HECTD4: variants seen among roughly 807,000 people sequenced by gnomAD.
HECTD4 encodes the protein probable E3 ubiquitin-protein ligase HECTD4.
HECTD4 carries 114 observed loss-of-function variants against 471.5 expected under a neutral mutation model. That is an observed-to-expected ratio of 0.24 (90% CI 0.21 to 0.28). The LOEUF (loss-of-function observed/expected upper bound fraction) is 0.28. Ranked by LOEUF, HECTD4 falls within the 10% of genes least tolerant of loss-of-function variation. The pLI is 1.00. For missense variants in HECTD4, 3,866 were observed against 5,651.5 expected (o/e 0.68, Z 10.13); for synonymous variants, 2,012 against 2,256.0 (o/e 0.89, Z 3.07).
chr12:112,242,701 G>A (rs966039366), intron 32 of HECTD4, among the ~76,000 whole-genome samples: 7 of 147,770 alleles, frequency 4.7e-5, no homozygotes, highest in Admixed American at 6.7e-5. Flanking sequence ...ACCTGAGGTC[G>A]GGAGTTTGAG....
rs2035265827 is a variant in HECTD4 at position 112,306,081 on chromosome 12, C to T, written c.1318G>A (p.Asp440Asn). 1.2e-6 allele frequency: 2 copies of T among 1,601,670 alleles called. No individual in the cohort carries two copies. Among genetic ancestry groups the T allele is most frequent in the African/African-American group, 1.3e-5 (1 of 74,226 alleles). The change falls in exon 7 of 76, where the codon GAC becomes AAC. Residue 440 changes from aspartate (D) to asparagine (N), a missense_variant. Asp to Asn is a conservative substitution (Grantham distance 23). This residue lies in a region of HECTD4 where 440 missense variants were observed against 636.0 expected (regional missense o/e 0.69). Transcript: ENST00000682272. ...KTPKGHSVFMDIFELVVENGV... is the reference protein window; with the variant it reads ...KTPKGHSVFMNIFELVVENGV... ...AAACTTACCACAAGTTCAAAAATGT[C>T]CATGAAGACAGAATGTCCCTTCGGT... is the stretch of plus-strand genomic sequence containing the variant.
chr12:112,249,829 T>C (rs1385397277), intron 25 of HECTD4: 2 of 367,222 alleles, frequency 5.4e-6, no homozygotes, highest in East Asian at 1.3e-4. Flanking sequence ...CACTTTAGCA[T>C]GCATCAGTCA....
At chr12:112,170,798 C>G (rs2031185143) in intron 68 of HECTD4, 3 of 450,970 alleles carry the variant, frequency 6.7e-6, no homozygotes, top group African/African-American at 3.9e-5. Flanking sequence ...GAGAGAGACT[C>G]ATCTGTTAAC....
intron 55 of HECTD4, among the ~76,000 whole-genome samples, chr12:112,196,784 GTCTC>G (rs374722536): frequency 1.3e-5 from 2 of 151,668 alleles, no homozygotes; most frequent in South Asian, 2.1e-4. Context: ...TAGAGACACG[GTCTC>G]TCTCTCTCTC....
chr12:112,203,639 A>T lies in HECTD4; in HGVS notation c.8403T>A (p.Asp2801Glu), dbSNP rs771397657. 4 of 1,612,704 alleles carry T rather than the reference A, an allele frequency of 2.5e-6. No homozygotes were observed. The highest frequency in any genetic ancestry group is 3.4e-6 in the Non-Finnish European group (4 of 1,179,304). ...ATCAGAATGGCTGTTCACTCACTGA[A>T]TCAACATCTAAGACGACTCCATGAA... Reference protein sequence around the residue: ...FGLHGVVLDVDSVNELVQVET... With the variant: ...FGLHGVVLDVESVNELVQVET... The change falls in exon 54 of 76, where the codon GAT becomes GAA. Residue 2801 changes from aspartate (D) to glutamate (E), a missense_variant. Asp to Glu is a conservative substitution (Grantham distance 45). Transcript: ENST00000682272.
intron 18 of HECTD4, among the ~76,000 whole-genome samples, chr12:112,260,646 G>A (rs1449324831): frequency 2.0e-5 from 3 of 151,082 alleles, no homozygotes; most frequent in Admixed American, 1.3e-4. Flanking sequence ...GGATGATCTC[G>A]GCTCACTGCA....
At chr12:112,350,535 C>T (rs558439009) in intron 1 of HECTD4, among the ~76,000 whole-genome samples, 25 of 152,120 alleles carry the variant, frequency 1.6e-4, no homozygotes, top group Non-Finnish European at 3.2e-4. Flanking sequence ...TATGTACTAA[C>T]GCTACACATG....
Position 112,247,443 on chromosome 12 carries a change from A to G in HECTD4, c.4337+19T>C, listed in dbSNP as rs1426048703. 1 of 1,275,630 alleles carries G rather than the reference A, an allele frequency of 7.8e-7. No individual in the cohort carries two copies. The highest frequency in any genetic ancestry group is 2.4e-5 in the Admixed American group (1 of 41,466). The allele number at this position is 1,275,630 out of a possible 1,614,324, so 79.0% of individuals were successfully genotyped here. A position where few individuals can be genotyped will look rare whatever the true frequency, so the allele number is the denominator to read the frequency against. ...GCATCAAGGTGATAATAGCCTTAAT[A>G]GTTATTAATACGACTAACCTCAGTG... On this transcript the variant is annotated intron_variant, in intron 28 of 75. Transcript: ENST00000682272.
Position 112,227,924 on chromosome 12 carries a change from C to T in HECTD4, c.6854+165G>A, listed in dbSNP as rs748298778. 2.0e-5 allele frequency among the ~76,000 whole-genome samples: 3 copies of T among 152,122 alleles called. 1 individual carries two copies. In the South Asian group the frequency reaches 6.2e-4, roughly 32 times the overall value. On this transcript the variant is annotated intron_variant, in intron 43 of 75. Coordinates refer to ENST00000682272, the MANE Select transcript of HECTD4 (RefSeq NM_001388303.1). ...AAATTGAAGAAATTAAGGAATGCAACGAACTATGGTAAAAACTGTAAAAGA... is the reference window on the plus strand; with the variant it reads ...AAATTGAAGAAATTAAGGAATGCAATGAACTATGGTAAAAACTGTAAAAGA...
chr12:112,250,250 C>G lies in HECTD4; in HGVS notation c.3844G>C (p.Val1282Leu), dbSNP rs145533298. The G allele has an allele frequency of 8.7e-6, 14 of 1,613,862 alleles. No individual in the cohort carries two copies. In the African/African-American group the frequency reaches 1.7e-4, roughly 20 times the overall value. The change falls in exon 25 of 76, where the codon GTT becomes CTT. Residue 1282 changes from valine to leucine, a missense_variant. By Grantham distance (32) the Val-to-Leu change is conservative. This residue lies in a region of HECTD4 where 281 missense variants were observed against 499.9 expected (regional missense o/e 0.56). Coordinates refer to ENST00000682272, the MANE Select transcript of HECTD4 (RefSeq NM_001388303.1). The stretch of plus-strand genomic sequence containing the variant: ...CGAGGCAGATCAAAGTAGTTTCCAA[C>G]AGGAGGCACGAGGACATCAGAGGGG... ...TYPSDVLVPP[V>L]GNYFDLPRIR...
At chr12:112,371,060 C>T (rs1227535121) in intron 1 of HECTD4, among the ~76,000 whole-genome samples, 2 of 152,144 alleles carry the variant, frequency 1.3e-5, no homozygotes, top group Non-Finnish European at 2.9e-5. Context: ...ATTAACACCA[C>T]AGTTACCTTC....
At chr12:112,312,651 C>T (rs537276382) in intron 4 of HECTD4, among the ~76,000 whole-genome samples, 1 of 152,216 alleles carries the variant, frequency 6.6e-6, no homozygotes, top group East Asian at 1.9e-4. Flanking sequence ...CAATAAATTA[C>T]TAAAGGAAAT....
intron 7 of HECTD4, among the ~76,000 whole-genome samples, chr12:112,296,205 G>A (rs1594020060): frequency 1.4e-5 from 2 of 137,984 alleles, no homozygotes; most frequent in Non-Finnish European, 3.0e-5. Flanking sequence ...GTGGATGTAG[G>A]TGCAGACAGT....
At chr12:112,366,976 T>C (rs1302603963) in intron 1 of HECTD4, among the ~76,000 whole-genome samples, 1 of 151,134 alleles carries the variant, frequency 6.6e-6, no homozygotes, top group Admixed American at 6.6e-5. Flanking sequence ...CCAATACTAC[T>C]TGGGTTTGTT....
In HECTD4 at chr12:112,271,901, C is replaced by T. The variant is rs143157514; in HGVS notation, c.1943-1442G>A. 2.2e-4 allele frequency among the ~76,000 whole-genome samples: 34 copies of T among 152,230 alleles called. No homozygotes were observed. The East Asian group carries it at 6.5e-3, about 29-fold the overall frequency. On this transcript the variant is annotated intron_variant, in intron 11 of 75. Transcript: ENST00000682272. ...AGTTCTTTAAATGTATTTATAATGGCTGCTTTAAGTCTTCATCTGACTTTA... is the reference window on the plus strand; with the variant it reads ...AGTTCTTTAAATGTATTTATAATGGTTGCTTTAAGTCTTCATCTGACTTTA...
rs1482766461 is a variant in HECTD4 at position 112,382,376 on chromosome 12, C to A, written c.-248G>T. ...CGCCGCCGCCCTCAGGAGCAGGATC[C>A]GCCTCTGCCGCTCGGCAACCAACTG... is the stretch of plus-strand genomic sequence containing the variant. On this transcript the variant is annotated 5_prime_UTR_variant, in exon 1 of 76. Coordinates refer to ENST00000682272, the MANE Select transcript of HECTD4 (RefSeq NM_001388303.1). 4 of 356,096 alleles carry A rather than the reference C, an allele frequency of 1.1e-5. No individual in the cohort carries two copies. Among genetic ancestry groups the A allele is most frequent in the Non-Finnish European group, 2.0e-5 (4 of 203,138 alleles). 22.1% of individuals were successfully genotyped at this position (356,096 alleles called of 1,614,324 possible). A position where few individuals can be genotyped will look rare whatever the true frequency, so the allele number is the denominator to read the frequency against.
At chr12:112,305,000 A>G (rs908846580) in intron 7 of HECTD4, among the ~76,000 whole-genome samples, 4 of 152,172 alleles carry the variant, frequency 2.6e-5, no homozygotes, top group Admixed American at 1.3e-4. Flanking sequence ...ACCTCATGAA[A>G]AAAGGTTTTG....
In HECTD4 at chr12:112,185,087, G is replaced by A; in HGVS notation, c.9879C>T (p.Ser3293=). The change falls in exon 61 of 76, where the codon TCC becomes TCT. Residue 3293 remains serine, a synonymous_variant. Transcript: ENST00000682272. The part of the protein sequence containing the change: ...ATAPNLSDSS[S]SSSSSPGQTP... ...TCTGTCCTGGGGAGGACGAGGAGGA[G>A]GAGGACGAGTCACTGAGATTTGGGG... 1 of 1,576,206 alleles carries A rather than the reference G, an allele frequency of 6.3e-7. No individual in the cohort carries two copies. The highest frequency in any genetic ancestry group is 8.6e-7 in the Non-Finnish European group (1 of 1,160,430).
At position 112,237,030 on chromosome 12, in the gene HECTD4, C is replaced by A. The variant is rs1440611419; in HGVS notation, c.5359G>T (p.Ala1787Ser). 6.2e-7 allele frequency: 1 copy of A among 1,608,848 alleles called. No individual in the cohort carries two copies. Among genetic ancestry groups the A allele is most frequent in the Non-Finnish European group, 8.5e-7 (1 of 1,177,882 alleles). The change falls in exon 35 of 76, where the codon GCC (alanine) becomes TCC (serine). Residue 1787 changes from alanine to serine, a missense_variant. Transcript: ENST00000682272. ...QVSSLLTNHL[A>S]RATECCGNQA... ...TTGCCACAGCACTCTGTGGCTCGGG[C>A]AAGATGGTTAGTGAGAAGGCTGGAC...
Sources: gnomAD v4.1 joint callset for allele counts (sites outside exome capture counted in the v4.1 genomes callset) on GRCh38, gnomAD v4.1.1 for gene constraint, gnomAD v4.1.1 regional missense constraint, MANE v1.5 for transcripts, NCBI Gene and HGNC (gene_info 2026-07-23, HGNC 2026-07-21) for gene names.